The following SDK1 variants were observed in gnomAD, a reference collection of about 807,000 sequenced individuals.
The protein encoded by SDK1 is protein sidekick-1.
In SDK1, 157 loss-of-function variants were observed where a neutral mutation model predicts 245.5. That is an observed-to-expected ratio of 0.64 (90% CI 0.56 to 0.73). The LOEUF (loss-of-function observed/expected upper bound fraction) is 0.73, where lower values mean the gene tolerates loss of function less well. SDK1 is among the 30% of genes least tolerant of loss of function. The pLI, the probability that SDK1 is intolerant of heterozygous loss-of-function variation, is 0.00. For missense variants in SDK1, 3,583 were observed against 3,002.3 expected, an observed-to-expected ratio of 1.19 and a Z score of -4.52; for synonymous variants, 1,647 against 1,278.5, an observed-to-expected ratio of 1.29 and a Z score of -6.15.
rs1038099384 is a variant in SDK1 at position 4,136,332 on chromosome 7, C to T, written c.4228+3909C>T. Among the ~76,000 whole-genome samples, 22 of 152,192 alleles carry T rather than the reference C, an allele frequency of 1.4e-4. 1 individual carries two copies. The highest frequency in any genetic ancestry group is 1.2e-3 in the Admixed American group (19 of 15,276). On this transcript the variant is annotated intron_variant, in intron 28 of 44. Transcript: ENST00000404826. ...ATTCCTGCAAATTCAGATGGGTGTT[C>T]ACAGGGGAGAAAGCAAAACATCTTT...
chr7:4,243,571 G>C (rs1325479564), intron 43 of SDK1, among the ~76,000 whole-genome samples: 2 of 152,228 alleles, frequency 1.3e-5, no homozygotes, highest in Non-Finnish European at 2.9e-5. Flanking sequence ...CGTGGTGGCA[G>C]GCAAAGAGAG....
chr7:3,940,931 A>C (rs7801639), intron 5 of SDK1, among the ~76,000 whole-genome samples: 1 of 151,614 alleles, frequency 6.6e-6, no homozygotes, highest in South Asian at 2.1e-4. Flanking sequence ...TCCTACTTTC[A>C]ATCACCGCCC....
intron 1 of SDK1, among the ~76,000 whole-genome samples, chr7:3,595,056 C>T (rs950144996): frequency 1.3e-5 from 2 of 152,060 alleles, no homozygotes; most frequent in Non-Finnish European, 2.9e-5. Flanking sequence ...ACCCTTGTTG[C>T]CACCACAGTG....
chr7:3,380,523 T>G (rs1781459908), intron 1 of SDK1, among the ~76,000 whole-genome samples: 1 of 152,242 alleles, frequency 6.6e-6, no homozygotes, highest in Admixed American at 6.5e-5. Flanking sequence ...CGGTTCAGTT[T>G]GGCCAACTTT....
intron 1 of SDK1, among the ~76,000 whole-genome samples, chr7:3,451,632 T>G (rs1780517517): frequency 1.3e-5 from 2 of 152,204 alleles, no homozygotes; most frequent in Admixed American, 1.3e-4. Context: ...GATTTACATG[T>G]AACATAGGAC....
chr7:3,749,987 A>C (rs941582541), intron 4 of SDK1, among the ~76,000 whole-genome samples: 19 of 152,224 alleles, frequency 1.2e-4, no homozygotes, highest in Admixed American at 1.0e-3. Context: ...ACACTTTGTA[A>C]TACAAAGCTC....
rs536610110 is a variant in SDK1 at position 3,586,449 on chromosome 7, G to C, written c.299-32631G>C. Among the ~76,000 whole-genome samples the C allele has an allele frequency of 8.6e-5, 13 of 151,874 alleles. No homozygotes were observed. In the South Asian group the frequency reaches 2.7e-3, roughly 32 times the overall value. ...GCGGTGGCTCACGCCTGTAATCCCAGCACTTTGGGAGGCCGAGGTGGGTGG... is the reference window on the plus strand; with the variant it reads ...GCGGTGGCTCACGCCTGTAATCCCACCACTTTGGGAGGCCGAGGTGGGTGG... On this transcript the variant is annotated intron_variant, in intron 1 of 44. Coordinates refer to ENST00000404826, the MANE Select transcript of SDK1 (RefSeq NM_152744.4).
intron 4 of SDK1, among the ~76,000 whole-genome samples, chr7:3,811,771 T>C (rs1355105854): frequency 2.0e-5 from 3 of 152,202 alleles, no homozygotes; most frequent in Non-Finnish European, 4.4e-5. Flanking sequence ...TCAGCAGGGA[T>C]GGCATTTCCT....
chr7:3,575,241 C>T (rs988726803), intron 1 of SDK1, among the ~76,000 whole-genome samples: 1 of 152,030 alleles, frequency 6.6e-6, no homozygotes, highest in Non-Finnish European at 1.5e-5. Flanking sequence ...TCCTCACATG[C>T]CTTTGCTTGG....
chr7:4,261,228 AG>A (rs1787983200), intron 44 of SDK1, among the ~76,000 whole-genome samples: 1 of 152,164 alleles, frequency 6.6e-6, no homozygotes. Context: ...CATGGATCAG[AG>A]CTTCCTGCCC....
intron 1 of SDK1, among the ~76,000 whole-genome samples, chr7:3,467,409 T>G (rs1387495804): frequency 6.6e-6 from 1 of 151,936 alleles, no homozygotes; most frequent in East Asian, 1.9e-4. Flanking sequence ...TGTAGAAATA[T>G]AAAACCAAAA....
chr7:4,156,758 G>A (rs1002826374), intron 30 of SDK1, among the ~76,000 whole-genome samples: 1 of 152,256 alleles, frequency 6.6e-6, no homozygotes, highest in Non-Finnish European at 1.5e-5. Flanking sequence ...CTTGTTGGCT[G>A]ATGGGGGCTG....
chr7:3,705,948 C>G (rs2115012988), intron 4 of SDK1, among the ~76,000 whole-genome samples: 1 of 152,126 alleles, frequency 6.6e-6, no homozygotes, highest in African/African-American at 2.4e-5. Context: ...CCCATCTATG[C>G]CTAGTTTGTT....
At chr7:3,542,777 T>C (rs942094123) in intron 1 of SDK1, among the ~76,000 whole-genome samples, 1 of 152,184 alleles carries the variant, frequency 6.6e-6, no homozygotes, top group Non-Finnish European at 1.5e-5. Context: ...TTAAAGAAGG[T>C]ACAGAGCTCT....
chr7:4,119,902 A>G (rs1249129213), intron 25 of SDK1, among the ~76,000 whole-genome samples: 1 of 149,152 alleles, frequency 6.7e-6, no homozygotes, highest in Admixed American at 6.7e-5. Flanking sequence ...TATAATAACT[A>G]CATTTAAAAT....
At chr7:3,504,903 C>T (rs1392741151) in intron 1 of SDK1, among the ~76,000 whole-genome samples, 3 of 152,084 alleles carry the variant, frequency 2.0e-5, no homozygotes, top group East Asian at 3.9e-4. Flanking sequence ...AATTCTACTC[C>T]TAGTTATGTA....
chr7:4,039,321 T>A (rs974352924), intron 17 of SDK1, among the ~76,000 whole-genome samples: 1 of 152,072 alleles, frequency 6.6e-6, no homozygotes, highest in African/African-American at 2.4e-5. Flanking sequence ...AAGTTTCTTA[T>A]TATGATGGGA....
At chr7:3,891,522 A>C (rs535545354) in intron 5 of SDK1, among the ~76,000 whole-genome samples, 1 of 152,162 alleles carries the variant, frequency 6.6e-6, no homozygotes, top group African/African-American at 2.4e-5. Context: ...GTCCCTTTTG[A>C]AGCTGTCCTG....
intron 38 of SDK1, among the ~76,000 whole-genome samples, chr7:4,214,021 C>A (rs1784651287): frequency 6.6e-6 from 1 of 152,170 alleles, no homozygotes; most frequent in African/African-American, 2.4e-5. Flanking sequence ...ATCTCCAAAT[C>A]CTCAGAACGG....
Sources: gnomAD v4.1 joint callset for allele counts (sites outside exome capture counted in the v4.1 genomes callset) on GRCh38, gnomAD v4.1.1 for gene constraint, MANE v1.5 for transcripts, NCBI Gene and HGNC (gene_info 2026-07-23, HGNC 2026-07-21) for gene names.